RBFOX1: variants seen among roughly 807,000 people sequenced by gnomAD.
RBFOX1 encodes RNA binding protein fox-1 homolog 1.
In RBFOX1, 8 loss-of-function variants were observed where a neutral mutation model predicts 57.7. That is an observed-to-expected ratio of 0.14 (90% CI 0.08 to 0.25). RBFOX1 has a LOEUF of 0.25. Among genes scored for constraint, RBFOX1 ranks in the 10% least tolerant of loss-of-function variants. RBFOX1 has a pLI of 1.00. For missense variants in RBFOX1, 611 were observed against 548.5 expected, an observed-to-expected ratio of 1.11 and a Z score of -1.14; for synonymous variants, 326 against 222.4, an observed-to-expected ratio of 1.47 and a Z score of -4.15.
chr16:5,994,236 A>C (rs1005176760), intron 4 of RBFOX1, among the ~76,000 whole-genome samples: 3 of 152,214 alleles, frequency 2.0e-5, no homozygotes, highest in African/African-American at 7.2e-5. Flanking sequence ...ATCTTGGCTC[A>C]CTGCAACCTC....
intron 1 of RBFOX1, among the ~76,000 whole-genome samples, chr16:6,242,121 A>G (rs2097542885): frequency 6.6e-6 from 1 of 152,182 alleles, no homozygotes; most frequent in Non-Finnish European, 1.5e-5. Flanking sequence ...TAAAATTTCC[A>G]TTCATGTATA....
chr16:5,952,224 C>T (rs1196839062), intron 4 of RBFOX1, among the ~76,000 whole-genome samples: 2 of 151,632 alleles, frequency 1.3e-5, no homozygotes, highest in Admixed American at 6.6e-5. Context: ...GACCTCGGCT[C>T]ACTGCAACCT....
intron 2 of RBFOX1, among the ~76,000 whole-genome samples, chr16:6,481,298 C>T (rs1292581325): frequency 6.6e-6 from 1 of 152,182 alleles, no homozygotes; most frequent in Admixed American, 6.5e-5. Flanking sequence ...TGGGTGGCTG[C>T]AGACATGGTT....
chr16:5,563,988 C>A (rs1390445664), intron 2 of RBFOX1, among the ~76,000 whole-genome samples: 1 of 152,090 alleles, frequency 6.6e-6, no homozygotes, highest in Non-Finnish European at 1.5e-5. Context: ...GCTCCAAGTA[C>A]TCAGTGTGTA....
At chr16:5,731,940 C>T (rs1455728892) in intron 3 of RBFOX1, among the ~76,000 whole-genome samples, 1 of 152,130 alleles carries the variant, frequency 6.6e-6, no homozygotes, top group Non-Finnish European at 1.5e-5. Flanking sequence ...ATGGAAGGTC[C>T]TCTCTCCTGC....
chr16:5,349,437 G>A (rs1298520394), intron 1 of RBFOX1, among the ~76,000 whole-genome samples: 1 of 152,138 alleles, frequency 6.6e-6, no homozygotes. Flanking sequence ...ACTTTGGGAG[G>A]GTGAGGCCAG....
chr16:7,292,323 CAT>C (rs1360985029), intron 4 of RBFOX1, among the ~76,000 whole-genome samples: 7 of 124,498 alleles, frequency 5.6e-5, no homozygotes, highest in African/African-American at 1.5e-4. Flanking sequence ...TATTATATAT[CAT>C]ATATCATACA....
intron 4 of RBFOX1, among the ~76,000 whole-genome samples, chr16:7,504,147 C>T (rs1048282704): frequency 6.6e-6 from 1 of 152,102 alleles, no homozygotes; most frequent in African/African-American, 2.4e-5. Context: ...CTTCATGGAA[C>T]CATCATGACC....
chr16:7,369,112 T>C (rs2097522577), intron 4 of RBFOX1, among the ~76,000 whole-genome samples: 1 of 152,114 alleles, frequency 6.6e-6, no homozygotes, highest in African/African-American at 2.4e-5. Context: ...AGGAGGTTTT[T>C]CACAACTCAG....
intron 2 of RBFOX1, among the ~76,000 whole-genome samples, chr16:5,523,330 T>A (rs1467130580): frequency 6.6e-6 from 1 of 151,800 alleles, no homozygotes; most frequent in Non-Finnish European, 1.5e-5. Context: ...ATGTACCAAT[T>A]TCCAGCTGGG....
chr16:7,465,212 A>G (rs565936884), intron 4 of RBFOX1, among the ~76,000 whole-genome samples: 1 of 152,166 alleles, frequency 6.6e-6, no homozygotes, highest in Admixed American at 6.5e-5. Context: ...CTTGTCAGCA[A>G]ACTCTCAGCT....
chr16:6,343,719 C>G (rs1360403030), intron 2 of RBFOX1, among the ~76,000 whole-genome samples: 7 of 152,118 alleles, frequency 4.6e-5, no homozygotes, highest in Non-Finnish European at 5.9e-5. Context: ...GTCAAACTTC[C>G]TATGAGACAT....
intron 3 of RBFOX1, among the ~76,000 whole-genome samples, chr16:6,812,867 GC>G (rs1474623106): frequency 6.6e-6 from 1 of 152,172 alleles, no homozygotes; most frequent in Non-Finnish European, 1.5e-5. Flanking sequence ...ATGGTGGGAA[GC>G]CCCTGAGTCC....
chr16:5,240,811 C>G (rs1467332678), intron 1 of RBFOX1, among the ~76,000 whole-genome samples: 1 of 152,162 alleles, frequency 6.6e-6, no homozygotes, highest in African/African-American at 2.4e-5. Context: ...GGCTCCGTGG[C>G]CAGCCTGGCC....
chr16:6,448,873 T>C (rs1271231011), intron 2 of RBFOX1, among the ~76,000 whole-genome samples: 3 of 152,204 alleles, frequency 2.0e-5, no homozygotes, highest in Non-Finnish European at 4.4e-5. Flanking sequence ...TATTTTATTT[T>C]GAGTTGAGAG....
intron 1 of RBFOX1, among the ~76,000 whole-genome samples, chr16:5,385,926 C>T (rs191491197): frequency 3.9e-4 from 60 of 152,084 alleles, no homozygotes; most frequent in Non-Finnish European, 6.3e-4. Flanking sequence ...GATAAATCTG[C>T]GTTCCAGTAA....
chr16:6,541,096 A>G (rs1599304173), intron 2 of RBFOX1, among the ~76,000 whole-genome samples: 1 of 152,182 alleles, frequency 6.6e-6, no homozygotes, highest in East Asian at 1.9e-4. Context: ...TTCCAAGTAA[A>G]AGAAACCTGT....
At chr16:5,810,536 C>G (rs188739887) in intron 3 of RBFOX1, among the ~76,000 whole-genome samples, 150 of 152,302 alleles carry the variant, frequency 9.8e-4, no homozygotes, top group African/African-American at 3.4e-3. Context: ...GCACACATAC[C>G]TGCACTTCTA....
At chr16:6,211,145 G>C (rs2097294350) in intron 1 of RBFOX1, among the ~76,000 whole-genome samples, 1 of 149,896 alleles carries the variant, frequency 6.7e-6, no homozygotes, top group South Asian at 2.1e-4. Context: ...GTAACCATGA[G>C]ACAGAGTGTT....
Sources: gnomAD v4.1 joint callset for allele counts (sites outside exome capture counted in the v4.1 genomes callset) on GRCh38, gnomAD v4.1.1 for gene constraint, MANE v1.5 for transcripts, NCBI Gene and HGNC (gene_info 2026-07-23, HGNC 2026-07-21) for gene names.